IGSF10: variants seen among roughly 807,000 people sequenced by gnomAD.
IGSF10 encodes the protein immunoglobulin superfamily member 10, also known as calvaria mechanical force protein 608.
A neutral mutation model predicts 128.2 loss-of-function variants in IGSF10; 126 were observed. That is an observed-to-expected ratio of 0.98 (90% CI 0.85 to 1.14). The LOEUF (loss-of-function observed/expected upper bound fraction) is 1.14. IGSF10 is among the 50% of genes most tolerant of loss of function. IGSF10 has a pLI of 0.00. For missense variants in IGSF10, 3,295 were observed against 3,149.8 expected, an observed-to-expected ratio of 1.05 and a Z score of -1.10; for synonymous variants, 1,185 against 1,146.2, an observed-to-expected ratio of 1.03 and a Z score of -0.68.
At chr3:151,442,079 T>C (rs1399023148) in intron 7 of IGSF10, among the ~76,000 whole-genome samples, 1 of 152,170 alleles carries the variant, frequency 6.6e-6, no homozygotes, top group African/African-American at 2.4e-5. Flanking sequence ...TATATATTCA[T>C]ATGCCTATAA....
chr3:151,544,424 C>A, the IGSF10 span, among the ~76,000 whole-genome samples: 1 of 152,148 alleles, frequency 6.6e-6, no homozygotes. Flanking sequence ...GGTATAGCAA[C>A]CTCTAAAGCT....
At chr3:151,611,206 C>A in the IGSF10 span, among the ~76,000 whole-genome samples, 3 of 152,184 alleles carry the variant, frequency 2.0e-5, no homozygotes, top group Middle Eastern at 3.4e-3. Flanking sequence ...TTCAAAGAAA[C>A]CTTACAAATG....
chr3:151,437,778 G>T lies in IGSF10; in HGVS notation c.6783C>A (p.Cys2261Ter). The change falls in exon 8 of 8, where the codon TGC becomes TGA. Residue 2261 changes from cysteine to a stop codon, truncating the protein, a stop_gained. Coordinates refer to ENST00000282466, the MANE Select transcript of IGSF10 (RefSeq NM_178822.5). LOFTEE classifies it low-confidence loss of function (END_TRUNC). ...AVRHSKKHFD[C>*]RAEGTPSPEV... is the part of the protein sequence containing the mutation. ...CAGGAGATGGTGTCCCTTCAGCTCT[G>T]CAGTCAAAGTGTTTTTTGGAATGTC... 6.2e-7 allele frequency: 1 copy of T among 1,613,762 alleles called. No individual in the cohort carries two copies. Among genetic ancestry groups the T allele is most frequent in the Non-Finnish European group, 8.5e-7 (1 of 1,179,908 alleles).
chr3:151,454,511 T>C (rs890953469), intron 4 of IGSF10, among the ~76,000 whole-genome samples: 11 of 152,204 alleles, frequency 7.2e-5, no homozygotes, highest in Middle Eastern at 3.4e-3. Flanking sequence ...TCCATAACTA[T>C]TGCAGCTGGG....
In IGSF10 at chr3:151,453,582, A is replaced by G; in HGVS notation, c.517T>C (p.Phe173Leu). The G allele has an allele frequency of 6.2e-7, 1 of 1,613,844 alleles. No homozygotes were observed. Among genetic ancestry groups the G allele is most frequent in the East Asian group, 2.2e-5 (1 of 44,886 alleles). Residue 173 changes from phenylalanine (F) to leucine (L), a missense_variant, in exon 5 of 8, where the codon TTT (phenylalanine) becomes CTT (leucine). Transcript: ENST00000282466. ...ATCTGGAGGTAGCTCAAAGAGACAA[A>G]TGTATCTGGGTGGAGCTTAGTGAGC... ...NQLTKLHPDT[F>L]VSLSYLQIFK... is the part of the protein sequence containing the mutation.
chr3:151,530,493 G>A, the IGSF10 span, among the ~76,000 whole-genome samples: 12 of 152,030 alleles, frequency 7.9e-5, no homozygotes, highest in Non-Finnish European at 1.5e-4. Flanking sequence ...AAAGGGAAGC[G>A]ACTAACAGTG....
At chr3:151,561,968 T>C in the IGSF10 span, among the ~76,000 whole-genome samples, 6 of 152,176 alleles carry the variant, frequency 3.9e-5, no homozygotes, top group African/African-American at 1.4e-4. Context: ...TCAAGACTTA[T>C]CTTTTTCTTT....
At chr3:151,497,572 A>G in the IGSF10 span, among the ~76,000 whole-genome samples, 1 of 152,184 alleles carries the variant, frequency 6.6e-6, no homozygotes, top group Non-Finnish European at 1.5e-5. Context: ...TGTTTTGGTT[A>G]CTGTAGCCTT....
chr3:151,469,304 G>A, the IGSF10 span, among the ~76,000 whole-genome samples: 4 of 152,270 alleles, frequency 2.6e-5, no homozygotes, highest in South Asian at 6.2e-4. Context: ...GGTTTTTGAG[G>A]AATTGCCACA....
chr3:151,558,421 C>T, the IGSF10 span, among the ~76,000 whole-genome samples: 1 of 152,048 alleles, frequency 6.6e-6, no homozygotes, highest in African/African-American at 2.4e-5. Flanking sequence ...AAATGTAGGT[C>T]ATGCCCATTC....
chr3:151,488,498 A>G, the IGSF10 span, among the ~76,000 whole-genome samples: 127,201 of 152,176 alleles, frequency 0.84, 53,368 homozygotes, highest in Middle Eastern at 0.94. Flanking sequence ...GGAACCAAAG[A>G]AGAGCCCGCA....
At chr3:151,591,657 TCTAGAGA>T in the IGSF10 span, among the ~76,000 whole-genome samples, 5 of 151,902 alleles carry the variant, frequency 3.3e-5, no homozygotes, top group South Asian at 1.0e-3. Context: ...CAAAGTTCCT[TCTAGAGA>T]AAAAATGCTA....
At chr3:151,567,092 G>C in the IGSF10 span, among the ~76,000 whole-genome samples, 4 of 152,228 alleles carry the variant, frequency 2.6e-5, no homozygotes, top group East Asian at 7.7e-4. Context: ...GAAGTAAATG[G>C]GTCTGTAGAC....
chr3:151,616,175 GC>G, the IGSF10 span, among the ~76,000 whole-genome samples: 1 of 151,788 alleles, frequency 6.6e-6, no homozygotes. Context: ...TGTTGGTCAG[GC>G]TGGTCTCGAA....
chr3:151,460,694 C>A (rs1722005201), intron 1 of IGSF10, among the ~76,000 whole-genome samples: 1 of 152,028 alleles, frequency 6.6e-6, no homozygotes, highest in Non-Finnish European at 1.5e-5. Context: ...AAATCTGTCA[C>A]AGATGTCTCC....
the IGSF10 span, among the ~76,000 whole-genome samples, chr3:151,614,057 A>G: frequency 1.3e-5 from 2 of 152,360 alleles, no homozygotes; most frequent in East Asian, 1.9e-4. Context: ...GCAGGCAAAA[A>G]ACACATGAAA....
chr3:151,443,133 C>T lies in IGSF10; in HGVS notation c.5814G>A (p.Val1938=). ...ATGCAGCTTCTATCCTGGGGCTGGTCACTCGCTCTTCCATTGTAAGCATTA... is the reference window on the plus strand; with the variant it reads ...ATGCAGCTTCTATCCTGGGGCTGGTTACTCGCTCTTCCATTGTAAGCATTA... The part of the protein sequence containing the change: ...RVVMLTMEER[V]TSPRIEAASQ... The change falls in exon 7 of 8, where the codon GTG becomes GTA. Residue 1938 remains valine, a synonymous_variant. Transcript: ENST00000282466. 3 of 1,614,176 alleles carry T rather than the reference C, an allele frequency of 1.9e-6. No individual in the cohort carries two copies. Among genetic ancestry groups the T allele is most frequent in the Non-Finnish European group, 2.5e-6 (3 of 1,180,036 alleles).
intron 7 of IGSF10, among the ~76,000 whole-genome samples, chr3:151,439,962 CTG>C (rs1720746635): frequency 1.3e-5 from 2 of 152,186 alleles, no homozygotes; most frequent in Admixed American, 1.3e-4. Context: ...AAAGTAAAAA[CTG>C]TTTTCATAGC....
At chr3:151,488,323 G>A in the IGSF10 span, among the ~76,000 whole-genome samples, 2 of 150,920 alleles carry the variant, frequency 1.3e-5, no homozygotes, top group Non-Finnish European at 3.0e-5. Context: ...AATAAGAGAG[G>A]ACACAAACAA....
Sources: gnomAD v4.1 joint callset for allele counts (sites outside exome capture counted in the v4.1 genomes callset) on GRCh38, gnomAD v4.1.1 for gene constraint, MANE v1.5 for transcripts, NCBI Gene and HGNC (gene_info 2026-07-23, HGNC 2026-07-21) for gene names.